The following NNT variants were observed in gnomAD, a reference collection of about 807,000 sequenced individuals.
NNT encodes NAD(P) transhydrogenase, mitochondrial.
NNT carries 50 observed loss-of-function variants against 104.8 expected under a neutral mutation model. The observed-to-expected ratio is 0.48, with a 90% CI of 0.38 to 0.60. NNT has a LOEUF of 0.60. NNT is among the 20% of genes least tolerant of loss of function. The pLI, the probability that NNT is intolerant of heterozygous loss-of-function variation, is 0.00. For missense variants in NNT, 1,131 were observed against 1,330.7 expected (o/e 0.85, Z 2.33); for synonymous variants, 461 against 490.4 (o/e 0.94, Z 0.79).
intron 19 of NNT, among the ~76,000 whole-genome samples, chr5:43,693,996 G>C (rs1336153588): frequency 6.6e-6 from 1 of 152,114 alleles, no homozygotes; most frequent in African/African-American, 2.4e-5. Context: ...TTTAGTCTTT[G>C]TGTCCCATTC....
chr5:43,706,536 C>G lies in NNT; in HGVS notation c.*2132C>G, dbSNP rs116460111. On this transcript the variant is annotated 3_prime_UTR_variant, in exon 22 of 22. Transcript: ENST00000344920. The stretch of plus-strand genomic sequence containing the variant: ...TGTCTTTAAGGGCTTGTTAACTATC[C>G]TTTATTTTCTCATTTGTCTTAAATT... 1 of 151,644 alleles carries G rather than the reference C, an allele frequency of 6.6e-6. No individual in the cohort carries two copies. The highest frequency in any genetic ancestry group is 1.5e-5 in the Non-Finnish European group (1 of 67,886). The allele number at this position is 151,644 out of a possible 1,614,324, so 9.4% of individuals were successfully genotyped here. A position where few individuals can be genotyped will look rare whatever the true frequency, so the allele number is the denominator to read the frequency against.
chr5:43,642,022 A>AG (rs1474368858), intron 7 of NNT, among the ~76,000 whole-genome samples: 1 of 152,224 alleles, frequency 6.6e-6, no homozygotes, highest in African/African-American at 2.4e-5. Context: ...CATACAGTCC[A>AG]GGGACTGATC....
intron 17 of NNT, among the ~76,000 whole-genome samples, chr5:43,669,609 C>G (rs912531211): frequency 6.6e-6 from 1 of 152,070 alleles, no homozygotes; most frequent in African/African-American, 2.4e-5. Flanking sequence ...GTTGAACCAG[C>G]CTTGCATCCC....
chr5:43,685,919 A>G lies in NNT; in HGVS notation c.2876+8113A>G, dbSNP rs112531333. On this transcript the variant is annotated intron_variant, in intron 19 of 21. Transcript: ENST00000344920. ...TGAAAAACTCTAAAGAATGAGGTTCATGTCACCATATATTATAAAAGAGGC... is the reference window on the plus strand; with the variant it reads ...TGAAAAACTCTAAAGAATGAGGTTCGTGTCACCATATATTATAAAAGAGGC... Among the ~76,000 whole-genome samples the G allele has an allele frequency of 1.8e-3, 268 of 152,306 alleles. 2 individuals carry two copies. In the South Asian group the frequency reaches 0.025, roughly 14 times the overall value.
At chr5:43,669,121 C>G (rs2112044628) in intron 17 of NNT, among the ~76,000 whole-genome samples, 1 of 152,220 alleles carries the variant, frequency 6.6e-6, no homozygotes, top group Non-Finnish European at 1.5e-5. Context: ...GATTTTTGCA[C>G]ATTGATTTTG....
chr5:43,643,081 C>T (rs899094049), intron 7 of NNT, among the ~76,000 whole-genome samples: 1 of 151,998 alleles, frequency 6.6e-6, no homozygotes, highest in Non-Finnish European at 1.5e-5. Flanking sequence ...TGTGCCACCA[C>T]GTCCAGCTAA....
intron 19 of NNT, among the ~76,000 whole-genome samples, chr5:43,693,929 T>C (rs1456231416): frequency 6.6e-6 from 1 of 152,220 alleles, no homozygotes; most frequent in Non-Finnish European, 1.5e-5. Flanking sequence ...AGAGTATTAA[T>C]AGTTCATTCT....
chr5:43,612,881 A>G (rs568286089), intron 2 of NNT, 27 bp from the exon 3 acceptor site: 3 of 1,348,610 alleles, frequency 2.2e-6, no homozygotes, highest in Non-Finnish European at 3.1e-6. Flanking sequence ...CCAAATATAT[A>G]TTTTTTTTGC....
chr5:43,613,154 C>T lies in NNT; in HGVS notation c.381+17C>T, dbSNP rs1026734792. The T allele has an allele frequency of 1.3e-6, 2 of 1,585,702 alleles. No individual in the cohort carries two copies. The highest frequency in any genetic ancestry group is 1.3e-5 in the African/African-American group (1 of 74,132). ...GTGGTCAAAGTAATTATTCCTTTTTCCTCTCCCATTTACAGCATGCTGACT... is the reference window on the plus strand; with the variant it reads ...GTGGTCAAAGTAATTATTCCTTTTTTCTCTCCCATTTACAGCATGCTGACT... On this transcript the variant is annotated intron_variant, in intron 3 of 21. Coordinates refer to ENST00000344920, the MANE Select transcript of NNT (RefSeq NM_182977.3).
intron 20 of NNT, 95 bp from the exon 21 acceptor site, chr5:43,702,523 ATTG>A: frequency 1.4e-6 from 1 of 711,548 alleles, no homozygotes; most frequent in Admixed American, 3.5e-5. Context: ...TATTTTTGTT[ATTG>A]TTATTATAAA....
chr5:43,645,020 C>A (rs940577714), intron 9 of NNT, among the ~76,000 whole-genome samples: 2 of 152,234 alleles, frequency 1.3e-5, no homozygotes, highest in African/African-American at 4.8e-5. Context: ...ATATACACTC[C>A]TTTTGAAAAA....
intron 11 of NNT, 49 bp downstream of exon 11, chr5:43,649,357 T>G (rs778722903): frequency 6.2e-7 from 1 of 1,601,340 alleles, no homozygotes; most frequent in East Asian, 2.2e-5. Flanking sequence ...ATAGGGTTAC[T>G]CAGCTCTAGG....
chr5:43,651,733 G>A lies in NNT; in HGVS notation c.1718-6G>A. ...CTATGTTTTTTATTTCCTTTGGTTT[G>A]CTAAGGTGGCTTTCTGGTGACTCAG... On this transcript the variant is annotated splice_region_variant and splice_polypyrimidine_tract_variant and intron_variant, in intron 12 of 21. Coordinates refer to ENST00000344920, the MANE Select transcript of NNT (RefSeq NM_182977.3). 1 of 1,613,956 alleles carries A rather than the reference G, an allele frequency of 6.2e-7. No individual in the cohort carries two copies. Among genetic ancestry groups the A allele is most frequent in the Non-Finnish European group, 8.5e-7 (1 of 1,179,970 alleles).
intron 19 of NNT, among the ~76,000 whole-genome samples, chr5:43,697,768 T>C (rs1742632328): frequency 6.6e-6 from 1 of 152,104 alleles, no homozygotes; most frequent in Admixed American, 6.5e-5. Context: ...ATGTGGATGG[T>C]GGCAGGCAAA....
At chr5:43,672,576 A>G (rs62368569) in intron 17 of NNT, among the ~76,000 whole-genome samples, 5,136 of 152,310 alleles carry the variant, frequency 0.034, 133 homozygotes, top group East Asian at 0.12. Context: ...CCTGGGTATC[A>G]GCAGTGGAGG....
At position 43,667,027 on chromosome 5, in the gene NNT, G is replaced by A; in HGVS notation, c.2634+7677G>A. On this transcript the variant is annotated intron_variant, in intron 17 of 21. Coordinates refer to ENST00000344920, the MANE Select transcript of NNT (RefSeq NM_182977.3). The stretch of plus-strand genomic sequence containing the variant: ...CTTTACGAGGGCCTTGATAGCCTGG[G>A]CACGTGCACTCATGGCCTTGGCATT... The A allele has an allele frequency of 9.4e-6, 15 of 1,596,742 alleles. No homozygotes were observed. The South Asian group carries it at 1.6e-4, about 18-fold the overall frequency.
At chr5:43,694,396 G>A (rs1402233782) in intron 19 of NNT, among the ~76,000 whole-genome samples, 1 of 152,180 alleles carries the variant, frequency 6.6e-6, no homozygotes, top group East Asian at 1.9e-4. Flanking sequence ...TGCACATTCA[G>A]TATAATGTTG....
intron 3 of NNT, chr5:43,613,391 C>A: frequency 2.6e-6 from 1 of 388,102 alleles, no homozygotes; most frequent in Non-Finnish European, 4.7e-6. Context: ...TGGACATTTT[C>A]TTTTAATTGG....
rs1749932721 is a variant in NNT, at chr5:43,619,062, T to C, written c.630T>C (p.His210=). 6.4e-7 allele frequency: 1 copy of C among 1,553,688 alleles called. No homozygotes were observed. Among genetic ancestry groups the C allele is most frequent in the Non-Finnish European group, 8.7e-7 (1 of 1,148,076 alleles). Residue 210 remains histidine (H), a synonymous_variant, in exon 5 of 22, where the codon CAT becomes CAC. Coordinates refer to ENST00000344920, the MANE Select transcript of NNT (RefSeq NM_182977.3). ...AGGCTGTTGTCCTAGCAGCAAATCA[T>C]TTTGGACGTTTTTTTACTGGTCAGA... ...GYKAVVLAAN[H]FGRFFTGQIT...
Sources: gnomAD v4.1 joint callset for allele counts (sites outside exome capture counted in the v4.1 genomes callset) on GRCh38, gnomAD v4.1.1 for gene constraint, MANE v1.5 for transcripts, NCBI Gene and HGNC (gene_info 2026-07-23, HGNC 2026-07-21) for gene names.